Variants in ADAM12 observed in about 807,000 individuals in gnomAD.
ADAM12 encodes the protein disintegrin and metalloproteinase domain-containing protein 12.
In ADAM12, 70 loss-of-function variants were observed where a neutral mutation model predicts 106.4. The ratio of observed to expected loss-of-function variants is 0.66; its 90% CI spans 0.54 to 0.80. The LOEUF (loss-of-function observed/expected upper bound fraction) is 0.80, where lower values mean the gene tolerates loss of function less well. Ranked by LOEUF, ADAM12 falls within the 30% of genes least tolerant of loss-of-function variation. The pLI, the probability that ADAM12 is intolerant of heterozygous loss-of-function variation, is 0.00. For missense variants in ADAM12, 1,010 were observed against 1,171.9 expected, an observed-to-expected ratio of 0.86 and a Z score of 2.02; for synonymous variants, 420 against 433.5, an observed-to-expected ratio of 0.97 and a Z score of 0.39.
intron 11 of ADAM12, among the ~76,000 whole-genome samples, chr10:126,087,288 G>A (rs1020911833): frequency 5.9e-5 from 9 of 152,154 alleles, no homozygotes; most frequent in African/African-American, 2.2e-4. Flanking sequence ...ATTACATGGA[G>A]AAGAAACAAG....
intron 1 of ADAM12, among the ~76,000 whole-genome samples, chr10:126,332,020 C>T (rs1246114303): frequency 6.6e-6 from 1 of 152,148 alleles, no homozygotes; most frequent in African/African-American, 2.4e-5. Context: ...TGAGCCCATG[C>T]CTTCCATGTG....
At chr10:126,252,091 A>T (rs1958790816) in intron 3 of ADAM12, among the ~76,000 whole-genome samples, 1 of 104,850 alleles carries the variant, frequency 9.5e-6, no homozygotes, top group Non-Finnish European at 2.0e-5. Context: ...GATTAGATGG[A>T]TGGGATGGAT....
At chr10:126,269,778 A>G (rs117244279) in intron 3 of ADAM12, among the ~76,000 whole-genome samples, 19 of 152,332 alleles carry the variant, frequency 1.2e-4, no homozygotes, top group Admixed American at 3.3e-4. Flanking sequence ...GTGGAACTCC[A>G]TCTCCATCTC....
At chr10:126,203,605 G>A (rs1464567238) in intron 3 of ADAM12, among the ~76,000 whole-genome samples, 1 of 152,144 alleles carries the variant, frequency 6.6e-6, no homozygotes, top group African/African-American at 2.4e-5. Flanking sequence ...CTGAAGAGCT[G>A]TTCAATTTTT....
chr10:126,292,455 G>C (rs2133782329), intron 2 of ADAM12, among the ~76,000 whole-genome samples: 1 of 152,208 alleles, frequency 6.6e-6, no homozygotes, highest in Admixed American at 6.5e-5. Flanking sequence ...AGCCAGTCCT[G>C]TATATTGTTC....
chr10:126,156,332 C>T (rs1422910058), intron 3 of ADAM12, among the ~76,000 whole-genome samples: 1 of 152,202 alleles, frequency 6.6e-6, no homozygotes, highest in African/African-American at 2.4e-5. Flanking sequence ...GGAAACACTT[C>T]AGCTATGACA....
At chr10:126,338,762 G>A (rs994373656) in intron 1 of ADAM12, among the ~76,000 whole-genome samples, 1 of 152,130 alleles carries the variant, frequency 6.6e-6, no homozygotes, top group Non-Finnish European at 1.5e-5. Flanking sequence ...ATTCTTCAAT[G>A]CTTACCTTGC....
At chr10:126,353,981 C>A (rs1461276030) in intron 1 of ADAM12, among the ~76,000 whole-genome samples, 1 of 151,740 alleles carries the variant, frequency 6.6e-6, no homozygotes, top group Non-Finnish European at 1.5e-5. Context: ...AGGAAGTTAA[C>A]CAATTCAAAC....
chr10:126,340,307 G>C (rs778504044), intron 1 of ADAM12, among the ~76,000 whole-genome samples: 2 of 152,202 alleles, frequency 1.3e-5, no homozygotes, highest in African/African-American at 2.4e-5. Flanking sequence ...ACAAGAAATA[G>C]TTATTGATTA....
intron 11 of ADAM12, among the ~76,000 whole-genome samples, chr10:126,083,593 GT>G (rs1461060458): frequency 6.6e-6 from 1 of 152,244 alleles, no homozygotes; most frequent in Non-Finnish European, 1.5e-5. Context: ...GGTCTTTGGT[GT>G]AACAGAAGAC....
At chr10:126,380,826 G>A (rs1856462250) in intron 1 of ADAM12, among the ~76,000 whole-genome samples, 1 of 152,286 alleles carries the variant, frequency 6.6e-6, no homozygotes, top group Non-Finnish European at 1.5e-5. Context: ...ACAGCCAAAG[G>A]GTTGTAGGGC....
In ADAM12 at chr10:126,388,244, G is replaced by A. The variant is rs1211719544; in HGVS notation, c.-99C>T. 1 of 1,184,150 alleles carries A rather than the reference G, an allele frequency of 8.4e-7. No homozygotes were observed. The highest frequency in any genetic ancestry group is 4.5e-5 in the Admixed American group (1 of 22,116). 73.4% of individuals were successfully genotyped at this position (1,184,150 alleles called of 1,614,324 possible). A position where few individuals can be genotyped will look rare whatever the true frequency, so the allele number is the denominator to read the frequency against. On this transcript the variant is annotated 5_prime_UTR_variant, in exon 1 of 23. Coordinates refer to ENST00000448723, the MANE Select transcript of ADAM12 (RefSeq NM_001288973.2). The surrounding 1 kb of genome is among the most constrained non-coding windows in gnomAD (Gnocchi z 4.4). ...CGGGGCCGGGCGTCGCGACCGGAGG[G>A]ATTTCCTGCCTCGGCGAGTCAGCTC... is the stretch of plus-strand genomic sequence containing the variant.
intron 8 of ADAM12, among the ~76,000 whole-genome samples, chr10:126,107,762 C>T (rs1955799974): frequency 6.6e-6 from 1 of 151,954 alleles, no homozygotes; most frequent in Admixed American, 6.6e-5. Flanking sequence ...GGTCTAACCT[C>T]CCCCCCGCCC....
chr10:126,275,726 T>C (rs1186176656), intron 3 of ADAM12, among the ~76,000 whole-genome samples: 1 of 152,228 alleles, frequency 6.6e-6, no homozygotes, highest in Non-Finnish European at 1.5e-5. Flanking sequence ...AAATAACTTT[T>C]ATCATTTTCT....
chr10:126,107,869 G>T (rs73378632), intron 8 of ADAM12, among the ~76,000 whole-genome samples: 2,555 of 152,264 alleles, frequency 0.017, 68 homozygotes, highest in African/African-American at 0.057. Flanking sequence ...GTCGTCAGCA[G>T]CAAATAGCCA....
At chr10:126,285,032 G>T (rs556532508) in intron 2 of ADAM12, among the ~76,000 whole-genome samples, 1 of 152,354 alleles carries the variant, frequency 6.6e-6, no homozygotes, top group South Asian at 2.1e-4. Flanking sequence ...GTGGCCGAAG[G>T]CCAGGGGAGA....
intron 14 of ADAM12, among the ~76,000 whole-genome samples, chr10:126,050,488 C>T (rs762973567): frequency 5.3e-5 from 8 of 152,222 alleles, no homozygotes; most frequent in Non-Finnish European, 8.8e-5. Flanking sequence ...TGCCCTGCGG[C>T]GTGGTCCCTT....
intron 3 of ADAM12, among the ~76,000 whole-genome samples, chr10:126,275,859 G>A (rs1411171043): frequency 2.0e-5 from 3 of 151,642 alleles, no homozygotes; most frequent in African/African-American, 4.8e-5. Flanking sequence ...TTATTTTTGC[G>A]AAACATTAAT....
intron 11 of ADAM12, among the ~76,000 whole-genome samples, chr10:126,080,171 T>C (rs1955185407): frequency 6.6e-6 from 1 of 152,180 alleles, no homozygotes; most frequent in African/African-American, 2.4e-5. Context: ...GCCTCCTTTG[T>C]GCTTGTATTT....
Sources: allele counts gnomAD v4.1 joint callset (sites outside exome capture counted in the v4.1 genomes callset), GRCh38; gene constraint gnomAD v4.1.1; non-coding constraint Gnocchi (gnomAD v3.1); transcripts MANE v1.5; gene names NCBI Gene and HGNC (gene_info 2026-07-23, HGNC 2026-07-21).